The following ABTB3 variants were observed in gnomAD, a reference collection of about 807,000 sequenced individuals.
The protein encoded by ABTB3 is ankyrin repeat and BTB domain containing 3, also known as ankyrin repeat- and BTB/POZ domain-containing protein 3.
chr12:107,523,329 G>A, the ABTB3 span, among the ~76,000 whole-genome samples: 1 of 152,170 alleles, frequency 6.6e-6, no homozygotes, highest in African/African-American at 2.4e-5. Context: ...TCAAACCTCT[G>A]AAGTCACAAA....
chr12:107,550,583 C>CTTTTT, the ABTB3 span, among the ~76,000 whole-genome samples: 2 of 135,250 alleles, frequency 1.5e-5, no homozygotes, highest in Admixed American at 7.4e-5. Context: ...TTCTTTCTTT[C>CTTTTT]TTTTTTTTTT....
At chr12:107,555,504 A>C in the ABTB3 span, among the ~76,000 whole-genome samples, 80,143 of 152,042 alleles carry the variant, frequency 0.53, 21,355 homozygotes, top group East Asian at 0.65. Context: ...TTTGGAATCC[A>C]ACTAAACTGG....
the ABTB3 span, among the ~76,000 whole-genome samples, chr12:107,371,418 G>A: frequency 6.6e-6 from 1 of 152,142 alleles, no homozygotes; most frequent in African/African-American, 2.4e-5. Flanking sequence ...GAAGCTTTAG[G>A]GGAGAAGTAT....
chr12:107,394,965 G>A, the ABTB3 span, among the ~76,000 whole-genome samples: 1 of 152,214 alleles, frequency 6.6e-6, no homozygotes, highest in Non-Finnish European at 1.5e-5. Context: ...TCTCACTTGT[G>A]TTTTTCTCCC....
the ABTB3 span, among the ~76,000 whole-genome samples, chr12:107,371,479 G>C: frequency 3.0e-4 from 46 of 152,254 alleles, no homozygotes; most frequent in Non-Finnish European, 5.6e-4. Flanking sequence ...AGCTGGCCTC[G>C]TTTCAGAGCC....
the ABTB3 span, chr12:107,544,023 G>A: frequency 1.2e-6 from 2 of 1,613,860 alleles, no homozygotes; most frequent in South Asian, 1.1e-5. Context: ...ACAAGCAGGG[G>A]GCACTGTACT....
chr12:107,425,997 G>A, the ABTB3 span, among the ~76,000 whole-genome samples: 1 of 152,198 alleles, frequency 6.6e-6, no homozygotes. Context: ...GCTACAGAAG[G>A]CATTTGCATT....
At chr12:107,527,317 G>A in the ABTB3 span, among the ~76,000 whole-genome samples, 7 of 151,934 alleles carry the variant, frequency 4.6e-5, no homozygotes, top group Non-Finnish European at 8.8e-5. Context: ...TGTCTCCCAG[G>A]CTGGAGTGCA....
At chr12:107,494,855 AG>A in the ABTB3 span, among the ~76,000 whole-genome samples, 3 of 152,038 alleles carry the variant, frequency 2.0e-5, no homozygotes, top group Admixed American at 6.5e-5. Flanking sequence ...CTCTTACCAC[AG>A]GGCCCCGAGG....
the ABTB3 span, among the ~76,000 whole-genome samples, chr12:107,505,923 C>T: frequency 2.6e-5 from 4 of 152,106 alleles, no homozygotes; most frequent in Non-Finnish European, 4.4e-5. Flanking sequence ...TTTTCTTTAT[C>T]CAGTCTACCA....
the ABTB3 span, among the ~76,000 whole-genome samples, chr12:107,464,236 T>C: frequency 2.0e-5 from 3 of 150,814 alleles, no homozygotes; most frequent in Admixed American, 1.3e-4. Context: ...TGTGTGTGTG[T>C]GTGTGTGTGT....
At chr12:107,655,597 A>G in the ABTB3 span, among the ~76,000 whole-genome samples, 4 of 152,252 alleles carry the variant, frequency 2.6e-5, no homozygotes, top group Non-Finnish European at 5.9e-5. Flanking sequence ...CAGGAAATAC[A>G]GGCGTTTAGA....
chr12:107,482,263 G>A, the ABTB3 span, among the ~76,000 whole-genome samples: 1 of 152,086 alleles, frequency 6.6e-6, no homozygotes, highest in East Asian at 1.9e-4. Flanking sequence ...GCTGCCTAAG[G>A]CAGAACAGCT....
chr12:107,642,604 GC>G, the ABTB3 span, among the ~76,000 whole-genome samples: 1 of 152,180 alleles, frequency 6.6e-6, no homozygotes. Flanking sequence ...AAGTTGGTGA[GC>G]CACAGGAAGG....
chr12:107,441,633 TA>T, the ABTB3 span, among the ~76,000 whole-genome samples: 39 of 148,064 alleles, frequency 2.6e-4, no homozygotes, highest in South Asian at 4.3e-4. Flanking sequence ...AATTAAAACT[TA>T]AAAAAAAAAG....
the ABTB3 span, among the ~76,000 whole-genome samples, chr12:107,399,843 C>T: frequency 1.3e-5 from 2 of 152,076 alleles, no homozygotes; most frequent in Non-Finnish European, 2.9e-5. Flanking sequence ...CCCTTGCCCC[C>T]GACAGCCCGA....
chr12:107,535,724 A>G, the ABTB3 span, among the ~76,000 whole-genome samples: 16,432 of 152,196 alleles, frequency 0.11, 950 homozygotes, highest in African/African-American at 0.14. Context: ...AAAGATCTCT[A>G]CAATGAAAAC....
At chr12:107,408,471 G>A in the ABTB3 span, among the ~76,000 whole-genome samples, 1 of 152,234 alleles carries the variant, frequency 6.6e-6, no homozygotes, top group Non-Finnish European at 1.5e-5. Flanking sequence ...CCTCTGGGAA[G>A]ACAGTAGGGG....
At chr12:107,469,861 CTTTCTTTT>C in the ABTB3 span, among the ~76,000 whole-genome samples, 31 of 143,686 alleles carry the variant, frequency 2.2e-4, no homozygotes, top group African/African-American at 8.2e-4. Context: ...CTCTTTCTTT[CTTTCTTTT>C]CTTTCTTTCT....
Sources: gnomAD v4.1 joint callset for allele counts (sites outside exome capture counted in the v4.1 genomes callset) on GRCh38, gnomAD v4.1.1 for gene constraint, MANE v1.5 for transcripts, NCBI Gene and HGNC (gene_info 2026-07-23, HGNC 2026-07-21) for gene names.